The following LY86 variants were observed in gnomAD, a reference collection of about 807,000 sequenced individuals.
LY86 encodes MD-1, RP105-associated.
In LY86, 20 loss-of-function variants were observed where a neutral mutation model predicts 17.3. The ratio of observed to expected loss-of-function variants is 1.15; its 90% confidence interval spans 0.81 to 1.68. The LOEUF (loss-of-function observed/expected upper bound fraction) is 1.68. Ranked by LOEUF, LY86 falls within the 40% of genes most tolerant of loss-of-function variation. The probability of loss-of-function intolerance (pLI) is 0.00; values close to 1 mark genes in which losing one functional copy is unlikely to be tolerated. For synonymous variants in LY86, 74 were observed against 70.6 expected (o/e 1.05, Z -0.24); for missense variants, 200 against 191.9 (o/e 1.04, Z -0.25).
At chr6:6,646,599 C>T (rs1209787107) in intron 3 of LY86, among the ~76,000 whole-genome samples, 1 of 152,156 alleles carries the variant, frequency 6.6e-6, no homozygotes, top group African/African-American at 2.4e-5. Flanking sequence ...ATGTGGCTTC[C>T]TCATATCCTG....
At chr6:6,592,549 T>C (rs1051478278) in intron 1 of LY86, among the ~76,000 whole-genome samples, 1 of 152,212 alleles carries the variant, frequency 6.6e-6, no homozygotes, top group Non-Finnish European at 1.5e-5. Context: ...GGGAAAGTGC[T>C]ATGGACTGAA....
At chr6:6,649,485 A>AGCCG in intron 3 of LY86, 140 bp from the exon 4 acceptor site, 1 of 429,504 alleles carries the variant, frequency 2.3e-6, no homozygotes, top group Non-Finnish European at 4.1e-6. Flanking sequence ...GTAGATCAGG[A>AGCCG]AATGAAAACA....
intron 1 of LY86, among the ~76,000 whole-genome samples, chr6:6,604,532 CAA>C (rs1293617313): frequency 6.6e-6 from 1 of 151,982 alleles, no homozygotes; most frequent in Non-Finnish European, 1.5e-5. Context: ...AGCTATGACT[CAA>C]AATCTACCAC....
chr6:6,632,784 T>C (rs1422146351), intron 3 of LY86, among the ~76,000 whole-genome samples: 1 of 152,226 alleles, frequency 6.6e-6, no homozygotes, highest in Non-Finnish European at 1.5e-5. Flanking sequence ...CCAGAATGCA[T>C]AATCTTAGGA....
chr6:6,649,672 C>A lies in LY86; in HGVS notation c.400C>A (p.Pro134Thr), dbSNP rs140062866. 1.3e-6 allele frequency: 2 copies of A among 1,561,360 alleles called. No individual in the cohort carries two copies. The highest frequency in any genetic ancestry group is 8.8e-7 in the Non-Finnish European group (1 of 1,137,046). ...TGTCAATAATCCTGAATTTACTATT[C>A]CTCAGGTAAGATATTACTTACTTCT... ...GPVNNPEFTI[P>T]QGEYQVLLEL... is the part of the protein sequence containing the mutation. Residue 134 changes from proline (P) to threonine (T), a missense_variant, in exon 4 of 5, where the codon CCT (proline) becomes ACT (threonine). Physicochemically the swap from Pro to Thr is conservative, Grantham distance 38. Transcript: ENST00000230568.
chr6:6,606,881 A>G (rs949022066), intron 1 of LY86, among the ~76,000 whole-genome samples: 2 of 152,360 alleles, frequency 1.3e-5, no homozygotes, highest in East Asian at 1.9e-4. Flanking sequence ...CCACAGTGCA[A>G]CGGCAGGCTG....
intron 1 of LY86, among the ~76,000 whole-genome samples, chr6:6,607,080 G>C (rs1482367767): frequency 6.6e-6 from 1 of 152,264 alleles, no homozygotes; most frequent in Non-Finnish European, 1.5e-5. Context: ...GGCCATGTTG[G>C]AGGCTGCCTA....
intron 1 of LY86, among the ~76,000 whole-genome samples, chr6:6,603,615 C>CAAAAAAAAAAAAA (rs1221531073): frequency 8.8e-5 from 10 of 114,170 alleles, no homozygotes; most frequent in East Asian, 2.5e-4. Context: ...GAAAAAAAAA[C>CAAAAAAAAAAAAA]AAACAAAAAA....
chr6:6,651,872 A>T (rs530722938), intron 4 of LY86, among the ~76,000 whole-genome samples: 2 of 152,032 alleles, frequency 1.3e-5, no homozygotes, highest in African/African-American at 4.8e-5. Context: ...CCTGGCTAAC[A>T]TGGTGAAACC....
At chr6:6,591,238 T>C (rs1760515626) in intron 1 of LY86, 1 of 153,766 alleles carries the variant, frequency 6.5e-6, no homozygotes, top group African/African-American at 2.4e-5. Context: ...CAAGGACACA[T>C]CACCTGCCCA....
intron 1 of LY86, among the ~76,000 whole-genome samples, chr6:6,605,369 T>C (rs1761078159): frequency 6.6e-6 from 1 of 152,232 alleles, no homozygotes; most frequent in Admixed American, 6.5e-5. Context: ...TAGGCTTGGC[T>C]GGGGGAGCAG....
chr6:6,639,449 A>G lies in LY86; in HGVS notation c.353-10176A>G, dbSNP rs150388470. Among the ~76,000 whole-genome samples the G allele has an allele frequency of 2.0e-5, 3 of 152,362 alleles. No homozygotes were observed. The East Asian group carries it at 5.8e-4, about 29-fold the overall frequency. On this transcript the variant is annotated intron_variant, in intron 3 of 4. Transcript: ENST00000230568. ...ATCACCATAAACGTAGCCATTGACA[A>G]CACCATCAATTGATTCTCTTACAGT...
chr6:6,597,830 G>A (rs1475757836), intron 1 of LY86, among the ~76,000 whole-genome samples: 4 of 152,216 alleles, frequency 2.6e-5, no homozygotes, highest in Non-Finnish European at 5.9e-5. Flanking sequence ...TTCCAAGCAC[G>A]GTTTACAGTC....
intron 1 of LY86, among the ~76,000 whole-genome samples, chr6:6,622,385 G>T (rs1761701472): frequency 6.6e-6 from 1 of 152,126 alleles, no homozygotes; most frequent in Non-Finnish European, 1.5e-5. Context: ...CCACAATTTT[G>T]AGGATTCACC....
chr6:6,622,920 T>C (rs2113137083), intron 1 of LY86: 1 of 152,322 alleles, frequency 6.6e-6, no homozygotes, highest in Non-Finnish European at 1.5e-5. Flanking sequence ...CGGGAGCAAT[T>C]TGTTTGTTTG....
At chr6:6,600,608 A>T (rs1288412773) in intron 1 of LY86, among the ~76,000 whole-genome samples, 19 of 142,568 alleles carry the variant, frequency 1.3e-4, no homozygotes, top group Admixed American at 8.3e-4. Context: ...AAAAAAAAAA[A>T]AAAAAAAAAA....
At chr6:6,603,614 ACAAAC>A (rs1459037531) in intron 1 of LY86, among the ~76,000 whole-genome samples, 1,738 of 121,654 alleles carry the variant, frequency 0.014, 48 homozygotes, top group Non-Finnish European at 0.024. Context: ...AGAAAAAAAA[ACAAAC>A]AAAAAAAAAC....
At chr6:6,646,339 G>T (rs962544390) in intron 3 of LY86, among the ~76,000 whole-genome samples, 1 of 152,202 alleles carries the variant, frequency 6.6e-6, no homozygotes, top group African/African-American at 2.4e-5. Context: ...CACAAAGTTT[G>T]CAGTGCTGGG....
intron 3 of LY86, among the ~76,000 whole-genome samples, 183 bp from the exon 4 acceptor site, chr6:6,649,442 T>C (rs1371179974): frequency 6.6e-6 from 1 of 152,242 alleles, no homozygotes; most frequent in Non-Finnish European, 1.5e-5. Context: ...CCAATATTTG[T>C]GGCATGAATG....
Sources: gnomAD v4.1 joint callset for allele counts (sites outside exome capture counted in the v4.1 genomes callset) on GRCh38, gnomAD v4.1.1 for gene constraint, MANE v1.5 for transcripts, NCBI Gene and HGNC (gene_info 2026-07-23, HGNC 2026-07-21) for gene names.